The following ZNF431 variants were observed in gnomAD, a reference collection of about 807,000 sequenced individuals.
ZNF431 encodes zinc finger protein 431.
A neutral mutation model predicts 57.0 loss-of-function variants in ZNF431; 34 were observed. That is an observed-to-expected ratio of 0.60 (90% CI 0.45 to 0.79). The LOEUF is 0.79. Among genes scored for constraint, ZNF431 ranks in the 30% least tolerant of loss-of-function variants. The probability of loss-of-function intolerance (pLI) is 0.00; values close to 1 mark genes in which losing one functional copy is unlikely to be tolerated. For synonymous variants in ZNF431, 207 were observed against 220.3 expected (o/e 0.94, Z 0.54); for missense variants, 607 against 667.1 (o/e 0.91, Z 0.99).
rs1329931894 is a variant in ZNF431, at chr19:21,194,797, T to C, written c.*10763T>C. 1 of 152,162 alleles carries C rather than the reference T, an allele frequency of 6.6e-6. No individual in the cohort carries two copies. Among genetic ancestry groups the C allele is most frequent in the Admixed American group, 6.6e-5 (1 of 15,260 alleles). 9.4% of individuals were successfully genotyped at this position (152,162 alleles called of 1,614,324 possible). A position where few individuals can be genotyped will look rare whatever the true frequency, so the allele number is the denominator to read the frequency against. ...GCACAGAAACATGATTTCTCGAATTTTGCTAGGATTTTAATTTACAAAAGA... is the reference window on the plus strand; with the variant it reads ...GCACAGAAACATGATTTCTCGAATTCTGCTAGGATTTTAATTTACAAAAGA... On this transcript the variant is annotated 3_prime_UTR_variant, in exon 5 of 5. Coordinates refer to ENST00000311048, the MANE Select transcript of ZNF431 (RefSeq NM_133473.4).
rs925326427 is a variant in ZNF431, at chr19:21,188,494, CTT to C, written c.*4463_*4464del. The C allele has an allele frequency of 6.6e-6, 1 of 152,044 alleles. No individual in the cohort carries two copies. The highest frequency in any genetic ancestry group is 1.5e-5 in the Non-Finnish European group (1 of 68,006). 9.4% of individuals were successfully genotyped at this position (152,044 alleles called of 1,614,324 possible). A position where few individuals can be genotyped will look rare whatever the true frequency, so the allele number is the denominator to read the frequency against. ...CACAACTTATATTTCCATGCAGAAT[CTT>C]TTATTTTTAAGTGTGAGTGTTAAAG... On this transcript the variant is annotated 3_prime_UTR_variant, in exon 5 of 5. Transcript: ENST00000311048.
intron 2 of ZNF431, chr19:21,149,580 CT>C: frequency 1.5e-5 from 3 of 197,876 alleles, no homozygotes; most frequent in East Asian, 2.4e-4. Context: ...CAATTTCTTT[CT>C]TTTTTTTGAA....
At chr19:21,159,952 ACT>A (rs991398781) in intron 2 of ZNF431, among the ~76,000 whole-genome samples, 8 of 144,874 alleles carry the variant, frequency 5.5e-5, no homozygotes, top group African/African-American at 2.0e-4. Context: ...GCCCAAATGA[ACT>A]CTCTACTTAT....
intron 1 of ZNF431, among the ~76,000 whole-genome samples, chr19:21,143,340 A>T (rs1465284429): frequency 3.3e-5 from 5 of 152,176 alleles, no homozygotes; most frequent in African/African-American, 4.8e-5. Context: ...TTCTCCTTGT[A>T]TCTTCTCTAG....
chr19:21,174,161 T>G (rs1970985489), intron 4 of ZNF431, among the ~76,000 whole-genome samples: 1 of 152,182 alleles, frequency 6.6e-6, no homozygotes, highest in South Asian at 2.1e-4. Context: ...CAGATGCTGT[T>G]ACATCCTTCT....
chr19:21,167,879 G>C (rs1047259173), intron 4 of ZNF431, among the ~76,000 whole-genome samples: 2 of 152,006 alleles, frequency 1.3e-5, no homozygotes, highest in African/African-American at 4.8e-5. Flanking sequence ...CTTTTCCTTG[G>C]GGGATCTTCC....
intron 2 of ZNF431, among the ~76,000 whole-genome samples, chr19:21,143,865 C>T (rs981599683): frequency 1.3e-5 from 2 of 151,386 alleles, no homozygotes; most frequent in African/African-American, 4.9e-5. Context: ...AATAGTATCC[C>T]AAAAGACCAG....
rs34629919 is a variant in ZNF431 at position 21,184,403 on chromosome 19, C to CT, written c.*372dup. The CT allele has an allele frequency of 0.04, 6,360 of 160,802 alleles. 184 individuals are homozygous for CT. The highest frequency in any genetic ancestry group is 0.061 in the Non-Finnish European group (4,449 of 73,118). The allele number at this position is 160,802 out of a possible 1,614,324, so 10.0% of individuals were successfully genotyped here. ...ACAAGTGTGAAAAACATGGCAAAGC[C>CT]TTTAAGAAGCCCTCAATTCTTAACA... is the stretch of plus-strand genomic sequence containing the variant. On this transcript the variant is annotated 3_prime_UTR_variant, in exon 5 of 5. Transcript: ENST00000311048.
In ZNF431 at chr19:21,192,406, T is replaced by C. The variant is rs1040731284; in HGVS notation, c.*8372T>C. On this transcript the variant is annotated 3_prime_UTR_variant, in exon 5 of 5. Coordinates refer to ENST00000311048, the MANE Select transcript of ZNF431 (RefSeq NM_133473.4). The stretch of plus-strand genomic sequence containing the variant: ...TGGTCTTGAACTCCTGACCTTGTGA[T>C]CCGCCCACCTCGGCCTCCCAAAGTG... 1.8e-4 allele frequency: 28 copies of C among 152,342 alleles called. No homozygotes were observed. The highest frequency in any genetic ancestry group is 6.7e-4 in the African/African-American group (28 of 41,566). The allele number at this position is 152,342 out of a possible 1,614,324, so 9.4% of individuals were successfully genotyped here.
At position 21,183,319 on chromosome 19, in the gene ZNF431, C is replaced by T; in HGVS notation, c.1016C>T (p.Ala339Val). The T allele has an allele frequency of 6.2e-7, 1 of 1,613,802 alleles. No individual in the cohort carries two copies. The highest frequency in any genetic ancestry group is 1.7e-4 in the Middle Eastern group (1 of 6,056). ...STLSTHKFIH[A>V]GEKPYKCEEC... is the part of the protein sequence containing the mutation. Reference sequence around the variant, plus strand: ...CTTAGTACACATAAGTTCATTCATGCTGGAGAGAAACCCTACAAATGTGAG... The same window carrying T: ...CTTAGTACACATAAGTTCATTCATGTTGGAGAGAAACCCTACAAATGTGAG... Residue 339 changes from alanine (A) to valine (V), a missense_variant, in exon 5 of 5, where the codon GCT becomes GTT. Coordinates refer to ENST00000311048, the MANE Select transcript of ZNF431 (RefSeq NM_133473.4).
intron 2 of ZNF431, among the ~76,000 whole-genome samples, chr19:21,157,170 C>G (rs1970438124): frequency 6.6e-6 from 1 of 152,158 alleles, no homozygotes; most frequent in Admixed American, 6.5e-5. Context: ...TGGAGTCTTA[C>G]TCTGTCACCC....
Position 21,145,289 on chromosome 19 carries a change from C to G in ZNF431, c.96+1646C>G, listed in dbSNP as rs1047720259. On this transcript the variant is annotated intron_variant, in intron 2 of 4. Transcript: ENST00000311048. ...AGGAGATCGAGACCATCCTGGCTAA[C>G]ACGGTGAAAGCCCGTCTCTACTAAA... Among the ~76,000 whole-genome samples the G allele has an allele frequency of 4.6e-5, 7 of 152,244 alleles. No homozygotes were observed. In the East Asian group the frequency reaches 1.4e-3, roughly 29 times the overall value.
At chr19:21,161,212 C>T (rs964012225) in intron 2 of ZNF431, among the ~76,000 whole-genome samples, 1 of 152,028 alleles carries the variant, frequency 6.6e-6, no homozygotes, top group African/African-American at 2.4e-5. Context: ...TGATCCCTAC[C>T]ATCCAGGAAC....
intron 4 of ZNF431, among the ~76,000 whole-genome samples, chr19:21,178,635 C>A (rs756694218): frequency 3.9e-4 from 60 of 152,016 alleles, no homozygotes; most frequent in Non-Finnish European, 6.6e-4. Flanking sequence ...GCCTTCCATC[C>A]CGGGAATAAA....
At chr19:21,165,057 C>G (rs1397600020) in intron 2 of ZNF431, among the ~76,000 whole-genome samples, 1 of 144,642 alleles carries the variant, frequency 6.9e-6, no homozygotes, top group African/African-American at 2.6e-5. Context: ...TGTGGTGAGC[C>G]GAGATCACAC....
intron 2 of ZNF431, chr19:21,162,598 C>A (rs1970606352): frequency 9.0e-6 from 4 of 445,392 alleles, no homozygotes; most frequent in Non-Finnish European, 1.2e-5. Flanking sequence ...GACCACCACA[C>A]CCGACCAGAT....
chr19:21,181,559 A>T lies in ZNF431; in HGVS notation c.320-1064A>T, dbSNP rs550362242. ...AATTGTGCTTATATATGTGTTTGTT[A>T]TAAATATCTTTATGTGTATCCTAGT... On this transcript the variant is annotated intron_variant, in intron 4 of 4. Transcript: ENST00000311048. Among the ~76,000 whole-genome samples, 4 of 151,998 alleles carry T rather than the reference A, an allele frequency of 2.6e-5. No homozygotes were observed. In the East Asian group the frequency reaches 7.7e-4, roughly 29 times the overall value.
At position 21,194,156 on chromosome 19, in the gene ZNF431, A is replaced by G. The variant is rs1971562789; in HGVS notation, c.*10122A>G. Reference sequence around the variant, plus strand: ...TCCTAAGGTTAAAAATGACTTCAGCAAAGTCTCAGGATACAAAATTGATAT... The same window carrying G: ...TCCTAAGGTTAAAAATGACTTCAGCGAAGTCTCAGGATACAAAATTGATAT... On this transcript the variant is annotated 3_prime_UTR_variant, in exon 5 of 5. Coordinates refer to ENST00000311048, the MANE Select transcript of ZNF431 (RefSeq NM_133473.4). 1 of 152,240 alleles carries G rather than the reference A, an allele frequency of 6.6e-6. No individual in the cohort carries two copies. Among genetic ancestry groups the G allele is most frequent in the South Asian group, 2.1e-4 (1 of 4,836 alleles). 9.4% of individuals were successfully genotyped at this position (152,240 alleles called of 1,614,324 possible). A position where few individuals can be genotyped will look rare whatever the true frequency, so the allele number is the denominator to read the frequency against.
Position 21,187,783 on chromosome 19 carries a change from G to A in ZNF431, c.*3749G>A, listed in dbSNP as rs935751463. The A allele has an allele frequency of 6.6e-6, 1 of 152,128 alleles. No homozygotes were observed. Among genetic ancestry groups the A allele is most frequent in the East Asian group, 1.9e-4 (1 of 5,176 alleles). The allele number at this position is 152,128 out of a possible 1,614,324, so 9.4% of individuals were successfully genotyped here. On this transcript the variant is annotated 3_prime_UTR_variant, in exon 5 of 5. Transcript: ENST00000311048. ...TTATTTTCTACTTCTCTTCAGATTTGTCTTATGCATTTTCCAACTATGTAT... is the reference window on the plus strand; with the variant it reads ...TTATTTTCTACTTCTCTTCAGATTTATCTTATGCATTTTCCAACTATGTAT...
Sources: gnomAD v4.1 joint callset for allele counts (sites outside exome capture counted in the v4.1 genomes callset) on GRCh38, gnomAD v4.1.1 for gene constraint, MANE v1.5 for transcripts, NCBI Gene and HGNC (gene_info 2026-07-23, HGNC 2026-07-21) for gene names.